SYK: variants seen among roughly 807,000 people sequenced by gnomAD.
The protein encoded by SYK is tyrosine-protein kinase SYK.
SYK carries 16 observed loss-of-function variants against 77.8 expected under a neutral mutation model. The observed-to-expected ratio is 0.21, with a 90% CI of 0.14 to 0.31. The LOEUF is 0.31. Among genes scored for constraint, SYK ranks in the 10% least tolerant of loss-of-function variants. SYK has a pLI of 1.00. For missense variants in SYK, 529 were observed against 814.4 expected, an observed-to-expected ratio of 0.65 and a Z score of 4.26; for synonymous variants, 312 against 308.7, an observed-to-expected ratio of 1.01 and a Z score of -0.11.
chr9:90,877,454 C>G (rs1285114204), intron 9 of SYK, 117 bp from the exon 10 acceptor site: 1 of 1,115,844 alleles, frequency 9.0e-7, no homozygotes, highest in Non-Finnish European at 1.3e-6. Flanking sequence ...CATTGCCACT[C>G]TGTGGCAGGT....
chr9:90,828,234 C>T (rs1825731113), intron 1 of SYK, among the ~76,000 whole-genome samples: 1 of 34,930 alleles, frequency 2.9e-5, no homozygotes, highest in South Asian at 2.0e-3. Context: ...GCCTCACCCC[C>T]GCCCCCCCCC....
chr9:90,807,717 AG>A (rs1824893804), intron 1 of SYK, among the ~76,000 whole-genome samples: 1 of 152,210 alleles, frequency 6.6e-6, no homozygotes, highest in Non-Finnish European at 1.5e-5. Context: ...CTTTTAGGAA[AG>A]TTGTCCATTG....
chr9:90,860,666 G>A (rs1454774408), intron 3 of SYK, among the ~76,000 whole-genome samples: 1 of 152,152 alleles, frequency 6.6e-6, no homozygotes, highest in Admixed American at 6.5e-5. Flanking sequence ...GTGGGGTGCT[G>A]TGCATGGCCA....
chr9:90,813,270 C>T (rs1384394285), intron 1 of SYK, among the ~76,000 whole-genome samples: 2 of 152,052 alleles, frequency 1.3e-5, no homozygotes, highest in Non-Finnish European at 2.9e-5. Flanking sequence ...AAGGGCTGTT[C>T]TTGTGAGTCA....
chr9:90,868,776 G>C (rs1174745964), intron 7 of SYK, among the ~76,000 whole-genome samples: 1 of 152,164 alleles, frequency 6.6e-6, no homozygotes, highest in Non-Finnish European at 1.5e-5. Flanking sequence ...CAATCTGTAA[G>C]AAAGGCTCTG....
In SYK at chr9:90,879,079, T is replaced by C. The variant is rs571983063; in HGVS notation, c.1581+126T>C. The C allele has an allele frequency of 7.0e-5, 44 of 629,834 alleles. 1 individual carries two copies. The South Asian group carries it at 8.8e-4, about 13-fold the overall frequency. The allele number at this position is 629,834 out of a possible 1,614,324, so 39.0% of individuals were successfully genotyped here. A position where few individuals can be genotyped will look rare whatever the true frequency, so the allele number is the denominator to read the frequency against. ...GTTTTGCTACTGAAAAATAACTATG[T>C]AAGATATGTTCTTATAATCTTTGAT... On this transcript the variant is annotated intron_variant, in intron 11 of 13. Coordinates refer to ENST00000375754, the MANE Select transcript of SYK (RefSeq NM_003177.7).
At chr9:90,856,056 C>T (rs917354260) in intron 3 of SYK, among the ~76,000 whole-genome samples, 3 of 152,176 alleles carry the variant, frequency 2.0e-5, no homozygotes, top group Non-Finnish European at 4.4e-5. Flanking sequence ...TTTGAAAATG[C>T]CTCTATTTCT....
intron 11 of SYK, among the ~76,000 whole-genome samples, chr9:90,885,358 G>C (rs1828523169): frequency 1.3e-5 from 2 of 152,036 alleles, no homozygotes; most frequent in South Asian, 4.1e-4. Flanking sequence ...CAGAAATTCT[G>C]GAACTAAAGA....
chr9:90,842,200 T>C (rs1826389412), intron 1 of SYK, among the ~76,000 whole-genome samples: 1 of 151,544 alleles, frequency 6.6e-6, no homozygotes, highest in African/African-American at 2.4e-5. Context: ...AGTTTGTGTG[T>C]GTGGTGTGTG....
chr9:90,864,557 A>T (rs1370065736), intron 4 of SYK, 32 bp from the exon 5 acceptor site: 1 of 1,586,376 alleles, frequency 6.3e-7, no homozygotes, highest in South Asian at 1.1e-5. Context: ...TGACCTTGGT[A>T]TTTACCACTT....
At chr9:90,848,624 G>A (rs1328644255) in intron 3 of SYK, among the ~76,000 whole-genome samples, 1 of 152,174 alleles carries the variant, frequency 6.6e-6, no homozygotes, top group Non-Finnish European at 1.5e-5. Flanking sequence ...CCTAACGAAT[G>A]TGCTCATGTC....
chr9:90,849,862 G>A (rs1464244820), intron 3 of SYK, among the ~76,000 whole-genome samples: 1 of 152,252 alleles, frequency 6.6e-6, no homozygotes, highest in African/African-American at 2.4e-5. Context: ...GAGGGTTATA[G>A]AGTATCATAA....
rs1828458389 is a variant in SYK at position 90,884,831 on chromosome 9, G to GTACATACACATATACACATA, written c.1582-2917_1582-2916insACATACACATATACACATAT. Among the ~76,000 whole-genome samples the GTACATACACATATACACATA allele has an allele frequency of 5.6e-5, 3 of 53,212 alleles. 1 individual carries two copies. The highest frequency in any genetic ancestry group is 1.7e-4 in the African/African-American group (3 of 17,518). 34.9% of individuals were successfully genotyped at this position (53,212 alleles called of 152,430 possible). On this transcript the variant is annotated intron_variant, in intron 11 of 13. Transcript: ENST00000375754. The stretch of plus-strand genomic sequence containing the variant: ...TGTACATACACATATACACATATGT[G>GTACATACACATATACACATA]TGTATATACATATACACACATATGT...
At chr9:90,894,473 T>C (rs778446008) in intron 13 of SYK, among the ~76,000 whole-genome samples, 98 of 152,242 alleles carry the variant, frequency 6.4e-4, no homozygotes, top group Non-Finnish European at 1.3e-3. Context: ...TTGACAAAGC[T>C]ACCCATTTTG....
rs375463435 is a variant in SYK, at chr9:90,888,507, T to C, written c.1723-8T>C. ...AAAAAAAGCTTATGCATATCTTGCA[T>C]GTTGTAGGGGATGAAAGGAAGTGAA... On this transcript the variant is annotated splice_region_variant and splice_polypyrimidine_tract_variant and intron_variant, in intron 12 of 13. Transcript: ENST00000375754. The C allele has an allele frequency of 1.1e-5, 17 of 1,581,546 alleles. No individual in the cohort carries two copies. Among genetic ancestry groups the C allele is most frequent in the Non-Finnish European group, 1.5e-5 (17 of 1,167,802 alleles).
chr9:90,893,828 G>A lies in SYK; in HGVS notation c.1836-1700G>A, dbSNP rs551429669. ...GGTTGAGTGCAGGGATGAGGGGAGA[G>A]GAGGAGGGTCACTGGGTACAAGGAG... On this transcript the variant is annotated intron_variant, in intron 13 of 13. Transcript: ENST00000375754. Among the ~76,000 whole-genome samples the A allele has an allele frequency of 5.3e-5, 8 of 152,298 alleles. No individual in the cohort carries two copies. The South Asian group carries it at 1.0e-3, about 20-fold the overall frequency.
chr9:90,850,662 CT>C (rs1221847164), intron 3 of SYK, among the ~76,000 whole-genome samples: 10 of 151,846 alleles, frequency 6.6e-5, no homozygotes, highest in Admixed American at 2.0e-4. Context: ...ACTCTTCACA[CT>C]TTCATCGTGA....
At chr9:90,870,545 T>C (rs1827689745) in intron 7 of SYK, among the ~76,000 whole-genome samples, 1 of 152,218 alleles carries the variant, frequency 6.6e-6, no homozygotes, top group African/African-American at 2.4e-5. Flanking sequence ...AATGCCTTAG[T>C]AGACCAGACC....
In SYK at chr9:90,863,476, A is replaced by G. The variant is rs181146709; in HGVS notation, c.718-1113A>G. 3.5e-3 allele frequency among the ~76,000 whole-genome samples: 534 copies of G among 152,248 alleles called. 3 individuals are homozygous for G. Among genetic ancestry groups the G allele is most frequent in the African/African-American group, 0.012 (513 of 41,526 alleles). On this transcript the variant is annotated intron_variant, in intron 4 of 13. Transcript: ENST00000375754. ...AAAGCACTTAAACTTACTACTTCCA[A>G]ATGTGATTTGCTTTCTAGTGCTGTA... is the stretch of plus-strand genomic sequence containing the variant.
Sources: gnomAD v4.1 joint callset for allele counts (sites outside exome capture counted in the v4.1 genomes callset) on GRCh38, gnomAD v4.1.1 for gene constraint, MANE v1.5 for transcripts, NCBI Gene and HGNC (gene_info 2026-07-23, HGNC 2026-07-21) for gene names.